TAMM41: variants seen among roughly 807,000 people sequenced by gnomAD.
TAMM41 encodes TAM41 mitochondrial translocator assembly and maintenance homolog.
Under a neutral mutation model 44.1 loss-of-function variants are expected in TAMM41, and 36 were observed. That is an observed-to-expected ratio of 0.82 (90% CI 0.63 to 1.08). The LOEUF is 1.08. TAMM41 is among the 50% of genes least tolerant of loss of function. The pLI, the probability that TAMM41 is intolerant of heterozygous loss-of-function variation, is 0.00. For missense variants in TAMM41, 417 were observed against 404.3 expected, an observed-to-expected ratio of 1.03 and a Z score of -0.27; for synonymous variants, 164 against 153.1, an observed-to-expected ratio of 1.07 and a Z score of -0.53.
At chr3:11,798,897 C>A (rs2077676275) in intron 7 of TAMM41, among the ~76,000 whole-genome samples, 1 of 152,138 alleles carries the variant, frequency 6.6e-6, no homozygotes. Flanking sequence ...AGACACAATG[C>A]TAGATGCCTT....
intron 3 of TAMM41, among the ~76,000 whole-genome samples, chr3:11,834,476 TAA>T (rs34713967): frequency 6.6e-6 from 1 of 152,172 alleles, no homozygotes; most frequent in Non-Finnish European, 1.5e-5. Context: ...TTTCTTGGCT[TAA>T]AAAAAGTTTG....
chr3:11,736,630 C>G, the TAMM41 span, among the ~76,000 whole-genome samples: 1 of 152,130 alleles, frequency 6.6e-6, no homozygotes, highest in Non-Finnish European at 1.5e-5. Flanking sequence ...CACAGCGGGG[C>G]CTCAGCGCAC....
intron 2 of TAMM41, among the ~76,000 whole-genome samples, chr3:11,842,067 G>A (rs944875391): frequency 1.3e-5 from 2 of 152,106 alleles, no homozygotes; most frequent in Non-Finnish European, 2.9e-5. Flanking sequence ...CCTTTAAAGC[G>A]TGGGCCTTTG....
At chr3:11,773,550 A>G in the TAMM41 span, among the ~76,000 whole-genome samples, 1 of 152,020 alleles carries the variant, frequency 6.6e-6, no homozygotes, top group South Asian at 2.1e-4. Context: ...TTTGACTACC[A>G]TCAAGTACTA....
the TAMM41 span, among the ~76,000 whole-genome samples, chr3:11,750,164 T>G: frequency 6.4e-3 from 973 of 152,072 alleles, 13 homozygotes; most frequent in African/African-American, 0.023. Flanking sequence ...CCAAAGTGCT[T>G]GGATTACAGG....
At chr3:11,801,409 A>G (rs9838673) in intron 7 of TAMM41, among the ~76,000 whole-genome samples, 82,935 of 151,468 alleles carry the variant, frequency 0.55, 24,260 homozygotes, top group East Asian at 0.77. Context: ...CCGTAGCCTC[A>G]AACTCCTTTG....
the TAMM41 span, among the ~76,000 whole-genome samples, chr3:11,783,296 A>T: frequency 6.6e-6 from 1 of 150,432 alleles, no homozygotes; most frequent in Non-Finnish European, 1.5e-5. Context: ...ACAGTGAGGA[A>T]ACTCAACCAT....
intron 5 of TAMM41, among the ~76,000 whole-genome samples, chr3:11,816,679 T>C (rs1160264980): frequency 2.6e-5 from 4 of 151,992 alleles, no homozygotes; most frequent in African/African-American, 9.7e-5. Context: ...GGTGGGAGGA[T>C]GGCTTGATCC....
the TAMM41 span, among the ~76,000 whole-genome samples, chr3:11,760,466 T>C: frequency 6.6e-6 from 1 of 152,264 alleles, no homozygotes; most frequent in Non-Finnish European, 1.5e-5. Flanking sequence ...AATTTTCTAA[T>C]GTCTTGACCT....
chr3:11,845,403 C>A (rs1440980279), intron 1 of TAMM41, among the ~76,000 whole-genome samples: 1 of 152,050 alleles, frequency 6.6e-6, no homozygotes, highest in Non-Finnish European at 1.5e-5. Context: ...AATTCCAGGT[C>A]TATTCAAAGG....
chr3:11,782,735 G>T, the TAMM41 span, among the ~76,000 whole-genome samples: 1 of 152,212 alleles, frequency 6.6e-6, no homozygotes, highest in Non-Finnish European at 1.5e-5. Flanking sequence ...CTGTGCCTGT[G>T]AAACTTTAGT....
At chr3:11,789,277 G>A (rs1484266901), downstream of TAMM41, among the ~76,000 whole-genome samples, 4 of 152,144 alleles carry the variant, frequency 2.6e-5, no homozygotes, top group Admixed American at 2.0e-4. Flanking sequence ...AGAATGAGCT[G>A]AACTCAATAG....
chr3:11,755,982 GAATT>G, the TAMM41 span, among the ~76,000 whole-genome samples: 2 of 152,154 alleles, frequency 1.3e-5, no homozygotes, highest in Non-Finnish European at 1.5e-5. Context: ...TCTTGGATTA[GAATT>G]CCAGCTTTCC....
At chr3:11,725,139 C>CTCCTCTTCTCCT in the TAMM41 span, among the ~76,000 whole-genome samples, 120 of 141,886 alleles carry the variant, frequency 8.5e-4, no homozygotes, top group African/African-American at 3.0e-3. Context: ...CTTCTCCTCT[C>CTCCTCTTCTCCT]TCCTCTTCTC....
the TAMM41 span, among the ~76,000 whole-genome samples, chr3:11,767,285 T>G: frequency 6.6e-6 from 1 of 151,958 alleles, no homozygotes; most frequent in South Asian, 2.1e-4. Flanking sequence ...GCCAGGCTGG[T>G]CTCGAACTCC....
At chr3:11,807,679 C>A in intron 7 of TAMM41, 154 bp downstream of exon 7, 1 of 1,536,300 alleles carries the variant, frequency 6.5e-7, no homozygotes, top group South Asian at 1.2e-5. Context: ...TGCTGTTATG[C>A]CTGTTTGTAC....
intron 7 of TAMM41, among the ~76,000 whole-genome samples, chr3:11,796,272 T>A (rs2077603998): frequency 6.6e-6 from 1 of 152,184 alleles, no homozygotes. Flanking sequence ...TCATCTAAAT[T>A]TATAAAGCAC....
intron 4 of TAMM41, among the ~76,000 whole-genome samples, chr3:11,826,300 G>A (rs1343967163): frequency 6.6e-6 from 1 of 152,104 alleles, no homozygotes; most frequent in Non-Finnish European, 1.5e-5. Context: ...CGGGGAGGCC[G>A]AGGCGGGAGG....
At chr3:11,733,008 G>T in the TAMM41 span, among the ~76,000 whole-genome samples, 68,826 of 121,656 alleles carry the variant, frequency 0.57, 18,069 homozygotes, top group East Asian at 0.69. Context: ...TTGTTTGTTT[G>T]TTTGTTTTGA....
Sources: allele counts gnomAD v4.1 joint callset (sites outside exome capture counted in the v4.1 genomes callset), GRCh38; gene constraint gnomAD v4.1.1; transcripts MANE v1.5; gene names NCBI Gene and HGNC (gene_info 2026-07-23, HGNC 2026-07-21).